The following ZNF423 variants were observed in gnomAD, a reference collection of about 807,000 sequenced individuals.
ZNF423 encodes the protein zinc finger protein 423, also known as Ebf-associated zinc finger protein.
A neutral mutation model predicts 95.8 loss-of-function variants in ZNF423; 12 were observed. The ratio of observed to expected loss-of-function variants is 0.13; its 90% CI spans 0.08 to 0.20. The LOEUF is 0.20. ZNF423 is among the 10% of genes least tolerant of loss of function. The pLI is 1.00. For missense variants in ZNF423, 1,316 were observed against 1,737.1 expected (o/e 0.76, Z 4.31); for synonymous variants, 749 against 711.9 (o/e 1.05, Z -0.83).
intron 1 of ZNF423, among the ~76,000 whole-genome samples, chr16:49,851,854 G>A (rs1288843744): frequency 6.6e-5 from 10 of 152,148 alleles, no homozygotes; most frequent in Non-Finnish European, 1.5e-4. Context: ...AATGAAACAG[G>A]CCCTACCAAA....
At chr16:49,728,187 G>A (rs1259442973) in intron 3 of ZNF423, among the ~76,000 whole-genome samples, 1 of 152,108 alleles carries the variant, frequency 6.6e-6, no homozygotes, top group East Asian at 1.9e-4. Flanking sequence ...GGCATTCCAG[G>A]TAGGGAACTG....
At chr16:49,709,168 T>TTATA (rs534895949) in intron 3 of ZNF423, among the ~76,000 whole-genome samples, 5 of 93,452 alleles carry the variant, frequency 5.4e-5, no homozygotes, top group Admixed American at 4.1e-4. Flanking sequence ...CAGCAGCCGT[T>TTATA]TATATATATA....
intron 5 of ZNF423, among the ~76,000 whole-genome samples, chr16:49,606,093 T>C (rs1262598901): frequency 6.6e-6 from 1 of 152,128 alleles, no homozygotes; most frequent in African/African-American, 2.4e-5. Context: ...GCTCTGAGGA[T>C]GTAACAAGAA....
At chr16:49,846,316 A>C (rs971133805) in intron 1 of ZNF423, among the ~76,000 whole-genome samples, 1 of 151,290 alleles carries the variant, frequency 6.6e-6, no homozygotes, top group Non-Finnish European at 1.5e-5. Flanking sequence ...AAAAAAAAAA[A>C]AAAAAGGCAT....
At chr16:49,758,288 G>A (rs1365372657) in intron 2 of ZNF423, among the ~76,000 whole-genome samples, 5 of 152,170 alleles carry the variant, frequency 3.3e-5, no homozygotes, top group South Asian at 4.2e-4. Context: ...ATAGGCACCC[G>A]CCACCATGCC....
rs535982616 is a variant in ZNF423 at position 49,612,994 on chromosome 16, T to TA, written c.3601+13175dup. 3.7e-3 allele frequency among the ~76,000 whole-genome samples: 517 copies of TA among 138,678 alleles called. 2 individuals are homozygous for TA. The highest frequency in any genetic ancestry group is 7.2e-3 in the South Asian group (31 of 4,332). 91.0% of individuals were successfully genotyped at this position (138,678 alleles called of 152,430 possible). On this transcript the variant is annotated intron_variant, in intron 5 of 7. Transcript: ENST00000563137. ...TACCAAATTAGGATGTTGAAAACTT[T>TA]AAAAAAAAAAAAAAAGATGAAAGAA...
chr16:49,736,790 C>G (rs1463353712), intron 2 of ZNF423, among the ~76,000 whole-genome samples: 1 of 152,102 alleles, frequency 6.6e-6, no homozygotes, highest in Admixed American at 6.5e-5. Context: ...GCAAGAGTCT[C>G]AAAAAATAAA....
rs11076504 is a variant in ZNF423 at position 49,855,430 on chromosome 16, C to G, written c.40+305G>C. Among the ~76,000 whole-genome samples, 1 of 149,144 alleles carries G rather than the reference C, an allele frequency of 6.7e-6. No individual in the cohort carries two copies. The highest frequency in any genetic ancestry group is 1.5e-5 in the Non-Finnish European group (1 of 67,156). On this transcript the variant is annotated intron_variant, in intron 1 of 7. Transcript: ENST00000563137. The surrounding 1 kb of genome is among the most constrained non-coding windows in gnomAD (Gnocchi z 4.7). Reference sequence around the variant, plus strand: ...CGCACGGAGGGAGCGGCAAGGGCCCCTTAGCGGCGCCCCCAGGCCTGGGTC... The same window carrying G: ...CGCACGGAGGGAGCGGCAAGGGCCCGTTAGCGGCGCCCCCAGGCCTGGGTC...
chr16:49,607,842 C>T (rs899237399), intron 5 of ZNF423, among the ~76,000 whole-genome samples: 2 of 152,170 alleles, frequency 1.3e-5, no homozygotes, highest in African/African-American at 2.4e-5. Context: ...TGTGGGAATG[C>T]GGGGAGGGGG....
At chr16:49,705,134 G>T (rs2032309641) in intron 3 of ZNF423, among the ~76,000 whole-genome samples, 1 of 152,184 alleles carries the variant, frequency 6.6e-6, no homozygotes, top group Admixed American at 6.5e-5. Flanking sequence ...GAATAAGAAG[G>T]CCTTAAATAC....
intron 1 of ZNF423, among the ~76,000 whole-genome samples, chr16:49,800,547 T>C (rs1031417623): frequency 5.3e-5 from 8 of 151,678 alleles, no homozygotes; most frequent in Admixed American, 6.6e-5. Flanking sequence ...TTCTGGTCCA[T>C]AGAACTTCCC....
At chr16:49,575,505 T>G (rs923406284) in intron 5 of ZNF423, among the ~76,000 whole-genome samples, 3 of 152,166 alleles carry the variant, frequency 2.0e-5, no homozygotes, top group Non-Finnish European at 4.4e-5. Flanking sequence ...GTGAGCTAAG[T>G]GCAGAGCATG....
intron 3 of ZNF423, among the ~76,000 whole-genome samples, chr16:49,646,030 A>G (rs900193582): frequency 2.0e-5 from 3 of 152,240 alleles, no homozygotes; most frequent in African/African-American, 7.2e-5. Context: ...CAGCATGAGA[A>G]TGAACTAATA....
At chr16:49,562,831 T>A (rs1970062178) in intron 5 of ZNF423, among the ~76,000 whole-genome samples, 1 of 151,876 alleles carries the variant, frequency 6.6e-6, no homozygotes, top group Non-Finnish European at 1.5e-5. Flanking sequence ...CAGGCTGGAG[T>A]GCAGTGGCAC....
intron 5 of ZNF423, among the ~76,000 whole-genome samples, chr16:49,539,829 C>T (rs993999959): frequency 1.3e-5 from 2 of 152,132 alleles, no homozygotes; most frequent in Non-Finnish European, 2.9e-5. Context: ...TCCTTTGGGA[C>T]CCCAGAGTGG....
chr16:49,557,753 A>ATTAT, intron 5 of ZNF423, among the ~76,000 whole-genome samples: 1 of 152,164 alleles, frequency 6.6e-6, no homozygotes, highest in East Asian at 1.9e-4. Flanking sequence ...GGATGGTAGA[A>ATTAT]GGCCTCCTCC....
chr16:49,588,013 T>A (rs1970896996), intron 5 of ZNF423, among the ~76,000 whole-genome samples: 1 of 152,204 alleles, frequency 6.6e-6, no homozygotes, highest in Non-Finnish European at 1.5e-5. Context: ...TCTATGTGTC[T>A]ACCTCTCCCA....
chr16:49,745,940 A>C (rs1325857680), intron 2 of ZNF423, among the ~76,000 whole-genome samples: 1 of 152,198 alleles, frequency 6.6e-6, no homozygotes, highest in East Asian at 1.9e-4. Flanking sequence ...AGAAGGTCCA[A>C]CTGGGATCTG....
intron 5 of ZNF423, among the ~76,000 whole-genome samples, chr16:49,589,497 G>C (rs573236680): frequency 6.7e-6 from 1 of 148,332 alleles, no homozygotes; most frequent in Non-Finnish European, 1.5e-5. Context: ...GGAGTACTTT[G>C]ATTTTTTTTT....
Sources: gnomAD v4.1 joint callset for allele counts (sites outside exome capture counted in the v4.1 genomes callset) on GRCh38, gnomAD v4.1.1 for gene constraint, Gnocchi (gnomAD v3.1) non-coding constraint, MANE v1.5 for transcripts, NCBI Gene and HGNC (gene_info 2026-07-23, HGNC 2026-07-21) for gene names.